Variants in MYH11 observed in about 807,000 individuals in gnomAD.
MYH11 encodes myosin-11.
In MYH11, 80 loss-of-function variants were observed where a neutral mutation model predicts 246.6. The observed-to-expected ratio is 0.32, with a 90% CI of 0.27 to 0.39. The LOEUF (loss-of-function observed/expected upper bound fraction) is 0.39, where lower values mean the gene tolerates loss of function less well. MYH11 is among the 10% of genes least tolerant of loss of function. MYH11 has a pLI of 1.00. For synonymous variants in MYH11, 1,071 were observed against 1,015.5 expected (o/e 1.05, Z -1.04); for missense variants, 2,158 against 2,546.8 (o/e 0.85, Z 3.29).
At chr16:15,810,848 T>C (rs1183317437) in intron 3 of MYH11, among the ~76,000 whole-genome samples, 2 of 152,214 alleles carry the variant, frequency 1.3e-5, no homozygotes, top group African/African-American at 2.4e-5. Context: ...TTGCCGTTAA[T>C]ATCATCTTTA....
At chr16:15,724,058 G>A in intron 31 of MYH11, 103 bp downstream of exon 31, 1 of 1,579,132 alleles carries the variant, frequency 6.3e-7, no homozygotes, top group South Asian at 1.1e-5. Context: ...ACAGAGTGGA[G>A]AGGGGATGCA....
At position 15,717,202 on chromosome 16, in the gene MYH11, G is replaced by A; in HGVS notation, c.5442C>T (p.Ser1814=). Reference sequence around the variant, plus strand: ...TCTTGGCCTCCAGCGCCGCGATGGTGGACTTGAACTTGGACTTGACGGCCC... The same window carrying A: ...TCTTGGCCTCCAGCGCCGCGATGGTAGACTTGAACTTGGACTTGACGGCCC... The part of the protein sequence containing the change: ...MEGAVKSKFK[S]TIAALEAKIA... The change falls in exon 38 of 41, where the codon TCC becomes TCT. Residue 1814 remains serine, a synonymous_variant. Transcript: ENST00000300036. 1 of 1,614,198 alleles carries A rather than the reference G, an allele frequency of 6.2e-7. No individual in the cohort carries two copies. Among genetic ancestry groups the A allele is most frequent in the Non-Finnish European group, 8.5e-7 (1 of 1,180,040 alleles).
At chr16:15,837,755 G>A (rs1443694335) in intron 2 of MYH11, among the ~76,000 whole-genome samples, 153 bp downstream of exon 2, 1 of 151,892 alleles carries the variant, frequency 6.6e-6, no homozygotes, top group African/African-American at 2.4e-5. Context: ...GCGTGGTCTC[G>A]AACTTCTGAC....
chr16:15,835,746 ATTTTTT>A lies in MYH11; in HGVS notation c.345+2156_345+2161del, dbSNP rs386384349. On this transcript the variant is annotated intron_variant, in intron 2 of 40. Transcript: ENST00000300036. ...TAACCCACTCCATGAAGCTGGTACT[ATTTTTT>A]TTTTTTTTTTTTTTTGAAACAGACA... Among the ~76,000 whole-genome samples, 170 of 132,090 alleles carry A rather than the reference ATTTTTT, an allele frequency of 1.3e-3. 1 individual carries two copies. Among genetic ancestry groups the A allele is most frequent in the African/African-American group, 2.1e-3 (76 of 35,560 alleles). 86.7% of individuals were successfully genotyped at this position (132,090 alleles called of 152,430 possible).
chr16:15,759,445 AC>A (rs2041815123), intron 12 of MYH11, 130 bp downstream of exon 12: 1 of 1,186,442 alleles, frequency 8.4e-7, no homozygotes, highest in South Asian at 1.2e-5. Context: ...TCAATGATCC[AC>A]CCTTAACTAG....
At chr16:15,842,572 G>A (rs1199999819) in intron 1 of MYH11, among the ~76,000 whole-genome samples, 1 of 151,478 alleles carries the variant, frequency 6.6e-6, no homozygotes, top group Non-Finnish European at 1.5e-5. Context: ...AGACCAGCTG[G>A]CCAACGTGGC....
At chr16:15,733,397 C>A (rs958580230) in intron 26 of MYH11, among the ~76,000 whole-genome samples, 4 of 152,016 alleles carry the variant, frequency 2.6e-5, no homozygotes, top group Admixed American at 6.6e-5. Context: ...CCACGCCCGG[C>A]TAATTTTATA....
In MYH11 at chr16:15,724,632, AC is replaced by A. The variant is rs772097807; in HGVS notation, c.4116+14del. 6 of 1,613,646 alleles carry A rather than the reference AC, an allele frequency of 3.7e-6. No homozygotes were observed. In the East Asian group the frequency reaches 1.1e-4, roughly 30 times the overall value. On this transcript the variant is annotated intron_variant, in intron 30 of 40. Coordinates refer to ENST00000300036, the MANE Select transcript of MYH11 (RefSeq NM_002474.3). Reference sequence around the variant, plus strand: ...GAGAGGACCCATGAAGGAAGCAAGGACACGGGGCAGGCACCTGGATGTTGAG... The same window carrying A: ...GAGAGGACCCATGAAGGAAGCAAGGAACGGGGCAGGCACCTGGATGTTGAG...
rs993124387 is a variant in MYH11, at chr16:15,727,149, AGGCACACAACAGGG to A, written c.3652-109_3652-96del. The stretch of plus-strand genomic sequence containing the variant: ...TTTCCTCCCTCAGAGAGGTCCAGGA[AGGCACACAACAGGG>A]GGCACACAATCACCAGTAAGAGATT... On this transcript the variant is annotated intron_variant, in intron 27 of 40. Coordinates refer to ENST00000300036, the MANE Select transcript of MYH11 (RefSeq NM_002474.3). The A allele has an allele frequency of 6.0e-5, 68 of 1,139,512 alleles. 1 individual carries two copies. Among genetic ancestry groups the A allele is most frequent in the Admixed American group, 3.9e-4 (23 of 58,798 alleles). 70.6% of individuals were successfully genotyped at this position (1,139,512 alleles called of 1,614,324 possible). A position where few individuals can be genotyped will look rare whatever the true frequency, so the allele number is the denominator to read the frequency against.
chr16:15,790,892 C>A (rs1459801861), intron 4 of MYH11: 1 of 152,028 alleles, frequency 6.6e-6, no homozygotes, highest in East Asian at 1.9e-4. Flanking sequence ...GCTTCATACT[C>A]TAATGTTGCC....
chr16:15,808,442 T>G (rs1174955017), intron 3 of MYH11, among the ~76,000 whole-genome samples: 1 of 152,230 alleles, frequency 6.6e-6, no homozygotes, highest in African/African-American at 2.4e-5. Context: ...TAAGCCATTC[T>G]GTAAGTGAGG....
chr16:15,762,500 G>A (rs922017698), intron 10 of MYH11, among the ~76,000 whole-genome samples: 6 of 151,976 alleles, frequency 3.9e-5, no homozygotes, highest in East Asian at 3.9e-4. Flanking sequence ...ATATTTTTGC[G>A]GACCCTGGCA....
intron 4 of MYH11, among the ~76,000 whole-genome samples, chr16:15,793,197 T>A (rs1439411678): frequency 6.6e-6 from 1 of 152,204 alleles, no homozygotes; most frequent in Non-Finnish European, 1.5e-5. Context: ...TTAAACTGAT[T>A]ATACTGGATG....
At chr16:15,731,332 G>T (rs1017562340) in intron 27 of MYH11, among the ~76,000 whole-genome samples, 1 of 152,146 alleles carries the variant, frequency 6.6e-6, no homozygotes, top group African/African-American at 2.4e-5. Context: ...TCATGGCTCT[G>T]TCACTTACCA....
In MYH11 at chr16:15,782,380, C is replaced by T. The variant is rs1281847867; in HGVS notation, c.726+5G>A. The T allele has an allele frequency of 6.2e-7, 1 of 1,613,654 alleles. No homozygotes were observed. The highest frequency in any genetic ancestry group is 1.1e-5 in the South Asian group (1 of 91,074). ...CTGGAAAATCCATGTGGCTTTGCTACTTACGAATCGTGAGGAGTTGTCGTT... is the reference window on the plus strand; with the variant it reads ...CTGGAAAATCCATGTGGCTTTGCTATTTACGAATCGTGAGGAGTTGTCGTT... On this transcript the variant is annotated splice_donor_5th_base_variant and intron_variant, in intron 6 of 40. Coordinates refer to ENST00000300036, the MANE Select transcript of MYH11 (RefSeq NM_002474.3).
Position 15,759,632 on chromosome 16 carries a change from G to T in MYH11, c.1345C>A (p.Arg449=), listed in dbSNP as rs1362359781. The change falls in exon 12 of 41, where the codon CGG becomes AGG. Residue 449 remains arginine, a synonymous_variant. Transcript: ENST00000300036. ...ATCCCCAGGAAGGAAGCCCCTTGCC[G>T]ATGGGTCTTGTCCAGGGCTTTGTTC... ...RVNKALDKTH[R]QGASFLGILD... is the part of the protein sequence containing the mutation. The T allele has an allele frequency of 6.2e-7, 1 of 1,614,074 alleles. No individual in the cohort carries two copies. Among genetic ancestry groups the T allele is most frequent in the South Asian group, 1.1e-5 (1 of 91,086 alleles).
intron 38 of MYH11, among the ~76,000 whole-genome samples, chr16:15,716,845 C>T (rs940736824): frequency 4.6e-5 from 7 of 152,186 alleles, no homozygotes; most frequent in Non-Finnish European, 2.9e-5. Context: ...AGCATGCTAT[C>T]CCTGCAGAGG....
chr16:15,784,977 G>A (rs1489690965), intron 5 of MYH11: 2 of 398,160 alleles, frequency 5.0e-6, no homozygotes, highest in African/African-American at 2.2e-5. Flanking sequence ...AAGACTACAG[G>A]CATGCACACC....
At chr16:15,838,671 C>T (rs1362958539) in intron 1 of MYH11, among the ~76,000 whole-genome samples, 3 of 151,824 alleles carry the variant, frequency 2.0e-5, no homozygotes, top group Non-Finnish European at 4.4e-5. Context: ...ACCAGCCTGG[C>T]CAACATGGTG....
Sources: gnomAD v4.1 joint callset for allele counts (sites outside exome capture counted in the v4.1 genomes callset) on GRCh38, gnomAD v4.1.1 for gene constraint, MANE v1.5 for transcripts, NCBI Gene and HGNC (gene_info 2026-07-23, HGNC 2026-07-21) for gene names.